The following MVB12B variants were observed in gnomAD, a reference collection of about 807,000 sequenced individuals.
MVB12B encodes ESCRT-I complex subunit MVB12B.
Under a neutral mutation model 41.6 loss-of-function variants are expected in MVB12B, and 16 were observed. The observed-to-expected ratio is 0.38, with a 90% confidence interval of 0.26 to 0.58. The LOEUF (loss-of-function observed/expected upper bound fraction) is 0.58, where lower values mean the gene tolerates loss of function less well. Among genes scored for constraint, MVB12B ranks in the 20% least tolerant of loss-of-function variants. The pLI is 0.62. For missense variants in MVB12B, 274 were observed against 380.2 expected (o/e 0.72, Z 2.32); for synonymous variants, 133 against 139.7 (o/e 0.95, Z 0.34).
At chr9:126,501,403 C>G (rs532164160) in intron 9 of MVB12B, among the ~76,000 whole-genome samples, 136 of 152,346 alleles carry the variant, frequency 8.9e-4, no homozygotes, top group Admixed American at 6.1e-3. Context: ...GGGTCCTTAC[C>G]TCTGCACCCT....
At chr9:126,454,725 A>G (rs1170791084) in intron 7 of MVB12B, among the ~76,000 whole-genome samples, 3 of 152,114 alleles carry the variant, frequency 2.0e-5, no homozygotes, top group Non-Finnish European at 2.9e-5. Flanking sequence ...TAAGCACTGC[A>G]TAATGTGCAT....
At chr9:126,433,016 A>C (rs1180685761) in intron 7 of MVB12B, among the ~76,000 whole-genome samples, 1 of 152,162 alleles carries the variant, frequency 6.6e-6, no homozygotes, top group African/African-American at 2.4e-5. Context: ...AAAGGAAAAA[A>C]GGAATAGGGG....
At chr9:126,379,405 G>T (rs1337830441) in intron 2 of MVB12B, among the ~76,000 whole-genome samples, 1 of 152,168 alleles carries the variant, frequency 6.6e-6, no homozygotes, top group African/African-American at 2.4e-5. Context: ...GGGGTGCTTT[G>T]TGTGGAGGAG....
At chr9:126,403,197 A>T (rs1023315943) in intron 6 of MVB12B, among the ~76,000 whole-genome samples, 4 of 152,186 alleles carry the variant, frequency 2.6e-5, no homozygotes, top group African/African-American at 9.7e-5. Context: ...GCTTCCTGTT[A>T]TCCGACCGCC....
intron 2 of MVB12B, among the ~76,000 whole-genome samples, chr9:126,355,750 C>T (rs1211367587): frequency 2.0e-5 from 3 of 152,124 alleles, no homozygotes; most frequent in African/African-American, 4.8e-5. Flanking sequence ...TTTATAGCAT[C>T]GTTTTTGAAG....
chr9:126,385,420 A>T (rs943318798), intron 3 of MVB12B, among the ~76,000 whole-genome samples: 10 of 152,198 alleles, frequency 6.6e-5, no homozygotes, highest in Admixed American at 6.5e-4. Flanking sequence ...TGGCTTTCAG[A>T]GACGTGACAC....
chr9:126,405,658 CAG>C (rs1231251376), intron 6 of MVB12B, among the ~76,000 whole-genome samples: 1 of 149,432 alleles, frequency 6.7e-6, no homozygotes, highest in East Asian at 2.0e-4. Flanking sequence ...TATTTCGATG[CAG>C]AGTTTCAATT....
intron 6 of MVB12B, among the ~76,000 whole-genome samples, chr9:126,406,017 GT>G (rs1831409936): frequency 6.6e-6 from 1 of 150,550 alleles, no homozygotes; most frequent in East Asian, 1.9e-4. Flanking sequence ...GAATAATTGT[GT>G]CCTCATTTTA....
chr9:126,451,614 CA>C (rs1832890101), intron 7 of MVB12B, among the ~76,000 whole-genome samples: 1 of 152,040 alleles, frequency 6.6e-6, no homozygotes, highest in African/African-American at 2.4e-5. Flanking sequence ...CCCACCGGGA[CA>C]GGGGGGCCAA....
intron 7 of MVB12B, among the ~76,000 whole-genome samples, chr9:126,425,165 C>T (rs532132370): frequency 2.6e-5 from 4 of 152,060 alleles, no homozygotes; most frequent in African/African-American, 7.2e-5. Context: ...CCCAACTGCT[C>T]GGGAGACTGA....
In MVB12B at chr9:126,350,780, T is replaced by G. The variant is rs979523975; in HGVS notation, c.204+10150T>G. Among the ~76,000 whole-genome samples the G allele has an allele frequency of 2.6e-5, 4 of 152,202 alleles. No homozygotes were observed. In the East Asian group the frequency reaches 5.8e-4, roughly 22 times the overall value. On this transcript the variant is annotated intron_variant, in intron 2 of 9. Transcript: ENST00000361171. Reference sequence around the variant, plus strand: ...ATACTGCTACAATGGGGATTAAGTATCCACAGGATTTTTTGAGGGGACGTT... The same window carrying G: ...ATACTGCTACAATGGGGATTAAGTAGCCACAGGATTTTTTGAGGGGACGTT...
chr9:126,453,877 A>G (rs1182584104), intron 7 of MVB12B, among the ~76,000 whole-genome samples: 1 of 152,188 alleles, frequency 6.6e-6, no homozygotes, highest in Non-Finnish European at 1.5e-5. Context: ...CAAGGATACC[A>G]TCCAGATTAC....
At chr9:126,358,904 T>G (rs1478696754) in intron 2 of MVB12B, among the ~76,000 whole-genome samples, 3 of 152,218 alleles carry the variant, frequency 2.0e-5, no homozygotes, top group African/African-American at 7.2e-5. Context: ...GTTTCACCAT[T>G]TAAATATGGC....
rs978719570 is a variant in MVB12B, at chr9:126,436,190, C to T, written c.757+14242C>T. Among the ~76,000 whole-genome samples, 2 of 152,192 alleles carry T rather than the reference C, an allele frequency of 1.3e-5. No individual in the cohort carries two copies. The highest frequency in any genetic ancestry group is 4.8e-5 in the African/African-American group (2 of 41,440). ...AGTTTCTGGTTATTTTGCCAGGAGG[C>T]TCTCTCGTGTTCGGGCATTTGGGGT... On this transcript the variant is annotated intron_variant, in intron 7 of 9. Coordinates refer to ENST00000361171, the MANE Select transcript of MVB12B (RefSeq NM_033446.3). This position sits in a 1 kb window ranked among gnomAD's most constrained non-coding sequence, Gnocchi z 4.1.
intron 7 of MVB12B, among the ~76,000 whole-genome samples, chr9:126,476,532 A>T (rs932382079): frequency 6.6e-6 from 1 of 152,178 alleles, no homozygotes; most frequent in Non-Finnish European, 1.5e-5. Context: ...ATGCATACGT[A>T]TGCACTTATA....
In MVB12B at chr9:126,386,212, G is replaced by A. The variant is rs947693738; in HGVS notation, c.313-350G>A. On this transcript the variant is annotated intron_variant, in intron 3 of 9. Coordinates refer to ENST00000361171, the MANE Select transcript of MVB12B (RefSeq NM_033446.3). The surrounding 1 kb of genome is among the most constrained non-coding windows in gnomAD (Gnocchi z 4.3). ...GAATTTGCTCTTCCTAAAACCTCCT[G>A]GCCTTGAGATCTGATGCTCAGGGCT... Among the ~76,000 whole-genome samples, 3 of 152,168 alleles carry A rather than the reference G, an allele frequency of 2.0e-5. No homozygotes were observed. Among genetic ancestry groups the A allele is most frequent in the Non-Finnish European group, 2.9e-5 (2 of 68,028 alleles).
intron 7 of MVB12B, 147 bp from the exon 8 acceptor site, chr9:126,481,222 T>C (rs1327315626): frequency 1.6e-5 from 12 of 730,888 alleles, no homozygotes; most frequent in Non-Finnish European, 2.8e-5. Context: ...CTGTCCTCTT[T>C]CATAGCTCCA....
chr9:126,355,672 C>T (rs891615266), intron 2 of MVB12B, among the ~76,000 whole-genome samples: 4 of 152,118 alleles, frequency 2.6e-5, no homozygotes, highest in South Asian at 4.1e-4. Context: ...GTTTTTAGGC[C>T]GCATTCTCTT....
At chr9:126,443,522 A>G (rs1333328348) in intron 7 of MVB12B, among the ~76,000 whole-genome samples, 6 of 152,242 alleles carry the variant, frequency 3.9e-5, no homozygotes, top group African/African-American at 7.2e-5. Flanking sequence ...TCTTACCTGA[A>G]TGATAAAAGT....
Sources: allele counts gnomAD v4.1 joint callset (sites outside exome capture counted in the v4.1 genomes callset), GRCh38; gene constraint gnomAD v4.1.1; non-coding constraint Gnocchi (gnomAD v3.1); transcripts MANE v1.5; gene names NCBI Gene and HGNC (gene_info 2026-07-23, HGNC 2026-07-21).